The following CORO2A variants were observed in gnomAD, a reference collection of about 807,000 sequenced individuals.
The protein encoded by CORO2A is coronin-2A.
In CORO2A, 47 loss-of-function variants were observed where a neutral mutation model predicts 62.4. That is an observed-to-expected ratio of 0.75 (90% CI 0.60 to 0.96). CORO2A has a LOEUF of 0.96. Among genes scored for constraint, CORO2A ranks in the 40% least tolerant of loss-of-function variants. The pLI, the probability that CORO2A is intolerant of heterozygous loss-of-function variation, is 0.00. For missense variants in CORO2A, 610 were observed against 684.1 expected (o/e 0.89, Z 1.21); for synonymous variants, 273 against 268.9 (o/e 1.02, Z -0.15).
intron 1 of CORO2A, among the ~76,000 whole-genome samples, chr9:98,186,665 T>A (rs1181285885): frequency 6.6e-6 from 1 of 152,230 alleles, no homozygotes; most frequent in African/African-American, 2.4e-5. Context: ...CATTTACATA[T>A]AATATATCCA....
At chr9:98,150,630 C>T (rs1827710427) in intron 2 of CORO2A, among the ~76,000 whole-genome samples, 1 of 152,208 alleles carries the variant, frequency 6.6e-6, no homozygotes, top group Non-Finnish European at 1.5e-5. Flanking sequence ...TACCCATTTA[C>T]ACCGAGCAGT....
chr9:98,128,661 C>A lies in CORO2A; in HGVS notation c.1026G>T (p.Lys342Asn). ...VSSCEIFRFY[K>N]LITTKSLIEP... ...CGATGAGGCTTTTGGTTGTGATCAGCTTGTAGAAGCGGAAGATCTCGCAGG... is the reference window on the plus strand; with the variant it reads ...CGATGAGGCTTTTGGTTGTGATCAGATTGTAGAAGCGGAAGATCTCGCAGG... The change falls in exon 9 of 12, where the codon AAG becomes AAT. Residue 342 changes from lysine (K) to asparagine (N), a missense_variant. Lys to Asn is a moderately conservative substitution (Grantham distance 94). Coordinates refer to ENST00000375077, the MANE Select transcript of CORO2A (RefSeq NM_052820.4). The A allele has an allele frequency of 1.9e-6, 3 of 1,614,210 alleles. No individual in the cohort carries two copies. Among genetic ancestry groups the A allele is most frequent in the Non-Finnish European group, 2.5e-6 (3 of 1,180,032 alleles).
chr9:98,150,860 C>G (rs1827714454), intron 2 of CORO2A, among the ~76,000 whole-genome samples: 2 of 152,168 alleles, frequency 1.3e-5, no homozygotes, highest in African/African-American at 4.8e-5. Flanking sequence ...TTGCACTTGT[C>G]CCTCCCTAGC....
intron 2 of CORO2A, among the ~76,000 whole-genome samples, chr9:98,142,492 T>A (rs1399195782): frequency 6.6e-6 from 1 of 152,182 alleles, no homozygotes; most frequent in African/African-American, 2.4e-5. Context: ...AGCAGTACTG[T>A]GTCTTTGGCT....
rs773410910 is a variant in CORO2A at position 98,126,502 on chromosome 9, C to A, written c.1446+47G>T. The A allele has an allele frequency of 1.9e-6, 3 of 1,586,164 alleles. No individual in the cohort carries two copies. In the African/African-American group the frequency reaches 4.0e-5, roughly 21 times the overall value. ...TTCTCAGCCTGGATCTGTTCCCCTC[C>A]ACCCCAGCTGCCCCATGTGAAAGGC... is the stretch of plus-strand genomic sequence containing the variant. On this transcript the variant is annotated intron_variant, in intron 11 of 11. Transcript: ENST00000375077.
chr9:98,172,060 T>C (rs1345627971), intron 1 of CORO2A, among the ~76,000 whole-genome samples: 1 of 151,976 alleles, frequency 6.6e-6, no homozygotes, highest in African/African-American at 2.4e-5. Context: ...CGGAACCCCA[T>C]GAGGAGGAGG....
At chr9:98,188,886 T>C (rs1307538251) in intron 1 of CORO2A, among the ~76,000 whole-genome samples, 1 of 152,170 alleles carries the variant, frequency 6.6e-6, no homozygotes, top group Non-Finnish European at 1.5e-5. Flanking sequence ...ATGGAATGAA[T>C]GAACATAAAG....
chr9:98,126,034 CT>C (rs11334821), intron 11 of CORO2A, among the ~76,000 whole-genome samples: 84,266 of 113,296 alleles, frequency 0.74, 30,896 homozygotes, highest in East Asian at 0.93. Context: ...TCCCCACCAT[CT>C]TTTTTTTTTT....
At chr9:98,143,359 A>G (rs1443831778) in intron 2 of CORO2A, among the ~76,000 whole-genome samples, 1 of 152,212 alleles carries the variant, frequency 6.6e-6, no homozygotes, top group Non-Finnish European at 1.5e-5. Flanking sequence ...TGTTCCTACA[A>G]CAGCATCATA....
intron 1 of CORO2A, among the ~76,000 whole-genome samples, chr9:98,159,441 C>T (rs1827854583): frequency 6.6e-6 from 1 of 152,082 alleles, no homozygotes; most frequent in Non-Finnish European, 1.5e-5. Context: ...GGCTGGGTCT[C>T]ATTCCATATT....
rs554099624 is a variant in CORO2A, at chr9:98,121,817, G to A, written c.*2957C>T. On this transcript the variant is annotated 3_prime_UTR_variant, in exon 12 of 12. Transcript: ENST00000375077. ...GAGGTGGGAGGAATTTGTAAACTGT[G>A]AAGTGCTAGCCACACAGGTGGGAAA... 1.8e-4 allele frequency: 27 copies of A among 152,380 alleles called. No homozygotes were observed. Among genetic ancestry groups the A allele is most frequent in the African/African-American group, 6.5e-4 (27 of 41,566 alleles). The allele number at this position is 152,380 out of a possible 1,614,324, so 9.4% of individuals were successfully genotyped here. A position where few individuals can be genotyped will look rare whatever the true frequency, so the allele number is the denominator to read the frequency against.
At chr9:98,175,684 C>T (rs1828098426) in intron 1 of CORO2A, among the ~76,000 whole-genome samples, 1 of 152,176 alleles carries the variant, frequency 6.6e-6, no homozygotes, top group Admixed American at 6.5e-5. Flanking sequence ...GGAGAGGCAG[C>T]AGCACAGTGG....
intron 2 of CORO2A, among the ~76,000 whole-genome samples, chr9:98,146,147 C>T (rs571934071): frequency 2.0e-4 from 31 of 152,320 alleles, no homozygotes; most frequent in African/African-American, 7.2e-4. Flanking sequence ...CAGGGCTGAC[C>T]CCCAGGGGCT....
Position 98,177,457 on chromosome 9 carries a change from G to GTTTTT in CORO2A, c.-1+15097_-1+15101dup, listed in dbSNP as rs1174402008. ...GTTAGAGCAATGGGCTCCAAACTTTGTTTTTTTTTTTTTTTTTTTTTTTGA... is the reference window on the plus strand; with the variant it reads ...GTTAGAGCAATGGGCTCCAAACTTTGTTTTTTTTTTTTTTTTTTTTTTTTTTTTGA... On this transcript the variant is annotated intron_variant, in intron 1 of 11. Coordinates refer to ENST00000375077, the MANE Select transcript of CORO2A (RefSeq NM_052820.4). 3.9e-3 allele frequency among the ~76,000 whole-genome samples: 386 copies of GTTTTT among 98,290 alleles called. 37 individuals carry two copies. Among genetic ancestry groups the GTTTTT allele is most frequent in the African/African-American group, 0.015 (350 of 22,714 alleles). The allele number at this position is 98,290 out of a possible 152,430, so 64.5% of individuals were successfully genotyped here. A position where few individuals can be genotyped will look rare whatever the true frequency, so the allele number is the denominator to read the frequency against.
chr9:98,134,618 C>T (rs1469963894), intron 4 of CORO2A, among the ~76,000 whole-genome samples, 188 bp downstream of exon 4: 2 of 152,020 alleles, frequency 1.3e-5, no homozygotes, highest in African/African-American at 2.4e-5. Flanking sequence ...CCAAGGATGC[C>T]TGGAGCCACC....
At chr9:98,179,751 T>A (rs190393967) in intron 1 of CORO2A, among the ~76,000 whole-genome samples, 1 of 152,230 alleles carries the variant, frequency 6.6e-6, no homozygotes, top group African/African-American at 2.4e-5. Context: ...TTGCCTGTAA[T>A]CCCAGCACTT....
intron 2 of CORO2A, among the ~76,000 whole-genome samples, chr9:98,151,059 A>C (rs112369691): frequency 9.8e-5 from 15 of 152,286 alleles, no homozygotes; most frequent in African/African-American, 2.6e-4. Flanking sequence ...TTGCACCTCC[A>C]TGCCTTTGCT....
chr9:98,146,288 C>T (rs1326507906), intron 2 of CORO2A, among the ~76,000 whole-genome samples: 1 of 152,178 alleles, frequency 6.6e-6, no homozygotes, highest in East Asian at 1.9e-4. Context: ...CTGGCCTCTC[C>T]CCAGCCTTCC....
intron 2 of CORO2A, among the ~76,000 whole-genome samples, chr9:98,141,977 A>T (rs1827574846): frequency 1.3e-5 from 2 of 152,164 alleles, no homozygotes; most frequent in Non-Finnish European, 2.9e-5. Context: ...AATGTTAATC[A>T]TGGTTATATC....
Sources: gnomAD v4.1 joint callset for allele counts (sites outside exome capture counted in the v4.1 genomes callset) on GRCh38, gnomAD v4.1.1 for gene constraint, MANE v1.5 for transcripts, NCBI Gene and HGNC (gene_info 2026-07-23, HGNC 2026-07-21) for gene names.